The following DOCK4 variants were observed in gnomAD, a reference collection of about 807,000 sequenced individuals.
DOCK4 encodes the protein dedicator of cytokinesis 4, also known as dedicator of cytokinesis protein 4.
A neutral mutation model predicts 268.1 loss-of-function variants in DOCK4; 97 were observed. The observed-to-expected ratio is 0.36, with a 90% CI of 0.31 to 0.43. The LOEUF (loss-of-function observed/expected upper bound fraction) is 0.43. DOCK4 is among the 20% of genes least tolerant of loss of function. DOCK4 has a pLI of 1.00. For synonymous variants in DOCK4, 954 were observed against 887.2 expected, an observed-to-expected ratio of 1.08 and a Z score of -1.34; for missense variants, 2,145 against 2,455.7, an observed-to-expected ratio of 0.87 and a Z score of 2.67.
At chr7:112,195,988 T>C (rs1587029496) in intron 1 of DOCK4, among the ~76,000 whole-genome samples, 1 of 152,106 alleles carries the variant, frequency 6.6e-6, no homozygotes, top group African/African-American at 2.4e-5. Flanking sequence ...CCCATGTAAA[T>C]GTCATGCTCT....
chr7:112,129,716 A>G (rs1340393743), intron 1 of DOCK4, among the ~76,000 whole-genome samples: 1 of 152,192 alleles, frequency 6.6e-6, no homozygotes, highest in African/African-American at 2.4e-5. Context: ...TGTAAGTAAA[A>G]GAAAAAACAA....
At chr7:112,049,664 G>A (rs763102538) in intron 1 of DOCK4, among the ~76,000 whole-genome samples, 1 of 152,024 alleles carries the variant, frequency 6.6e-6, no homozygotes, top group Non-Finnish European at 1.5e-5. Flanking sequence ...ACATATAAAG[G>A]CACAAGTTAA....
chr7:112,107,195 C>T (rs1407924806), intron 1 of DOCK4, among the ~76,000 whole-genome samples: 2 of 152,160 alleles, frequency 1.3e-5, no homozygotes, highest in Non-Finnish European at 2.9e-5. Flanking sequence ...GTAATGTATA[C>T]AAATAACCAC....
At chr7:112,197,316 G>A (rs1446821337) in intron 1 of DOCK4, among the ~76,000 whole-genome samples, 1 of 150,410 alleles carries the variant, frequency 6.6e-6, no homozygotes, top group Admixed American at 6.6e-5. Flanking sequence ...AAAACTGTAT[G>A]TACAAATCTA....
chr7:111,739,491 G>C lies in DOCK4; in HGVS notation c.5041-14C>G. ...AGATGGACTTGGCTGGAAACACACA[G>C]GGAGCTATTATCATACCCTGATTAA... On this transcript the variant is annotated splice_polypyrimidine_tract_variant and intron_variant, in intron 47 of 52. Coordinates refer to ENST00000428084, the MANE Select transcript of DOCK4 (RefSeq NM_001363540.2). 1 of 1,556,984 alleles carries C rather than the reference G, an allele frequency of 6.4e-7. No homozygotes were observed. The highest frequency in any genetic ancestry group is 1.2e-5 in the South Asian group (1 of 84,442).
intron 1 of DOCK4, among the ~76,000 whole-genome samples, chr7:112,016,457 C>T (rs776232424): frequency 2.0e-5 from 3 of 152,216 alleles, no homozygotes; most frequent in Non-Finnish European, 2.9e-5. Flanking sequence ...GGTTTCTCCA[C>T]TGTACAGTTA....
At chr7:112,010,804 GAAAGGTACGTAATTGTTTCTGACGTATTA>G (rs1801229260) in intron 1 of DOCK4, among the ~76,000 whole-genome samples, 1 of 152,232 alleles carries the variant, frequency 6.6e-6, no homozygotes, top group Non-Finnish European at 1.5e-5. Context: ...CATATTGAAT[GAAAGGTACGTAATTGTTTCTGACGTATTA>G]AAAGGTACCA....
At chr7:111,826,295 G>A (rs1354352834) in intron 26 of DOCK4, among the ~76,000 whole-genome samples, 1 of 152,142 alleles carries the variant, frequency 6.6e-6, no homozygotes, top group Non-Finnish European at 1.5e-5. Context: ...GATAAATAGG[G>A]ATAAATAAAA....
intron 44 of DOCK4, among the ~76,000 whole-genome samples, chr7:111,744,575 T>C (rs1163090684): frequency 6.6e-6 from 1 of 152,252 alleles, no homozygotes; most frequent in African/African-American, 2.4e-5. Context: ...TTCTTGACCC[T>C]GAGCTACCAT....
chr7:111,759,046 C>T (rs1797218726), intron 40 of DOCK4, among the ~76,000 whole-genome samples: 1 of 152,004 alleles, frequency 6.6e-6, no homozygotes, highest in Non-Finnish European at 1.5e-5. Flanking sequence ...ATTTTCATGA[C>T]CTATGAATTT....
At chr7:112,104,901 A>C (rs1269105555) in intron 1 of DOCK4, among the ~76,000 whole-genome samples, 1 of 152,242 alleles carries the variant, frequency 6.6e-6, no homozygotes, top group African/African-American at 2.4e-5. Flanking sequence ...TAAGCAGTAA[A>C]TGAGCTCAAA....
chr7:112,109,644 G>A (rs921243403), intron 1 of DOCK4, among the ~76,000 whole-genome samples: 3 of 152,086 alleles, frequency 2.0e-5, no homozygotes, highest in South Asian at 2.1e-4. Context: ...TAACAAGTTC[G>A]AAGAGAAGGT....
chr7:112,121,040 G>C (rs1430281723), intron 1 of DOCK4, among the ~76,000 whole-genome samples: 3 of 152,156 alleles, frequency 2.0e-5, no homozygotes, highest in Non-Finnish European at 4.4e-5. Context: ...TTAGCATAAA[G>C]GAGACATTTA....
At chr7:112,166,154 C>T (rs1482254217) in intron 1 of DOCK4, among the ~76,000 whole-genome samples, 2 of 152,126 alleles carry the variant, frequency 1.3e-5, no homozygotes, top group African/African-American at 4.8e-5. Context: ...ACTATACAAT[C>T]TGAACTAGGT....
chr7:111,901,105 AG>A (rs1048414166), intron 14 of DOCK4, among the ~76,000 whole-genome samples: 9 of 152,216 alleles, frequency 5.9e-5, no homozygotes, highest in Non-Finnish European at 8.8e-5. Context: ...AAGCCAAGGC[AG>A]GAGGATCACT....
chr7:112,178,659 C>T (rs1025882967), intron 1 of DOCK4, among the ~76,000 whole-genome samples: 1 of 152,130 alleles, frequency 6.6e-6, no homozygotes, highest in Admixed American at 6.5e-5. Context: ...TCAACTGTGA[C>T]GACAAGCACA....
In DOCK4 at chr7:112,152,863, G is replaced by GA. The variant is rs922083290; in HGVS notation, c.37+53238dup. 1.3e-4 allele frequency among the ~76,000 whole-genome samples: 20 copies of GA among 151,482 alleles called. 1 individual carries two copies. The South Asian group carries it at 1.7e-3, about 13-fold the overall frequency. On this transcript the variant is annotated intron_variant, in intron 1 of 52. Transcript: ENST00000428084. ...AAACGTACCTTAAGTAGTAAAATGT[G>GA]AAAAAAAACCGAACATTTCTTCAAA...
chr7:111,821,596 A>T (rs1406868880), intron 27 of DOCK4: 1 of 152,214 alleles, frequency 6.6e-6, no homozygotes, highest in Non-Finnish European at 1.5e-5. Context: ...TTGCTCTCAG[A>T]TCATGCTGGA....
intron 1 of DOCK4, among the ~76,000 whole-genome samples, chr7:112,162,235 T>C (rs1209020469): frequency 6.6e-6 from 1 of 152,158 alleles, no homozygotes; most frequent in African/African-American, 2.4e-5. Context: ...TTCATTTGCC[T>C]GGAGTGGAAG....
Sources: gnomAD v4.1 joint callset for allele counts (sites outside exome capture counted in the v4.1 genomes callset) on GRCh38, gnomAD v4.1.1 for gene constraint, MANE v1.5 for transcripts, NCBI Gene and HGNC (gene_info 2026-07-23, HGNC 2026-07-21) for gene names.